The following USP31 variants were observed in gnomAD, a reference collection of about 807,000 sequenced individuals.
USP31 encodes the protein ubiquitin carboxyl-terminal hydrolase 31.
Under a neutral mutation model 119.4 loss-of-function variants are expected in USP31, and 44 were observed. The ratio of observed to expected loss-of-function variants is 0.37; its 90% CI spans 0.29 to 0.47. The LOEUF is 0.47. Among genes scored for constraint, USP31 ranks in the 20% least tolerant of loss-of-function variants. The pLI is 0.99. For missense variants in USP31, 1,643 were observed against 1,730.2 expected, an observed-to-expected ratio of 0.95 and a Z score of 0.89; for synonymous variants, 749 against 705.6, an observed-to-expected ratio of 1.06 and a Z score of -0.97.
At chr16:23,136,220 C>T (rs1288297453) in intron 1 of USP31, among the ~76,000 whole-genome samples, 1 of 152,114 alleles carries the variant, frequency 6.6e-6, no homozygotes, top group African/African-American at 2.4e-5. Flanking sequence ...GATCAAAAAC[C>T]TAAACATAAG....
chr16:23,069,289 C>A lies in USP31; in HGVS notation c.2816G>T (p.Arg939Leu). ...HSRREHKAVGRAPLAVMEGVF... is the reference protein window; with the variant it reads ...HSRREHKAVGLAPLAVMEGVF... ...GCCTTCCATGACAGCCAGAGGGGCC[C>A]GGCCCACAGCCTTGTGCTCACGGCG... is the stretch of plus-strand genomic sequence containing the variant. The change falls in exon 16 of 16, where the codon CGG becomes CTG. Residue 939 changes from arginine (R) to leucine (L), a missense_variant. Around this residue, in one of 5 missense-constraint regions of USP31, gnomAD observed 699 missense variants for 650.9 expected, o/e 1.07. Transcript: ENST00000219689. The A allele has an allele frequency of 6.2e-7, 1 of 1,611,134 alleles. No individual in the cohort carries two copies. Among genetic ancestry groups the A allele is most frequent in the Non-Finnish European group, 8.5e-7 (1 of 1,178,548 alleles).
At chr16:23,098,001 G>C (rs1464557998) in intron 6 of USP31, among the ~76,000 whole-genome samples, 3 of 149,980 alleles carry the variant, frequency 2.0e-5, no homozygotes, top group Admixed American at 1.3e-4. Flanking sequence ...AGAAATAAAG[G>C]GTATTCAATT....
chr16:23,081,149 G>A (rs1900803697), intron 12 of USP31, among the ~76,000 whole-genome samples: 1 of 152,208 alleles, frequency 6.6e-6, no homozygotes, highest in South Asian at 2.1e-4. Flanking sequence ...GCCTAGATGA[G>A]AGGGACAAGA....
chr16:23,107,761 A>G (rs578259593), intron 2 of USP31, among the ~76,000 whole-genome samples: 1 of 152,340 alleles, frequency 6.6e-6, no homozygotes, highest in African/African-American at 2.4e-5. Flanking sequence ...CTTTAAAAAC[A>G]GTTTAGTGAA....
At chr16:23,141,636 CA>C (rs1228924249) in intron 1 of USP31, among the ~76,000 whole-genome samples, 76 of 152,314 alleles carry the variant, frequency 5.0e-4, no homozygotes, top group Admixed American at 5.0e-3. Context: ...CACGGCCTCC[CA>C]AAGTGCTGGG....
At chr16:23,128,417 T>C (rs1247178211) in intron 1 of USP31, among the ~76,000 whole-genome samples, 1 of 152,128 alleles carries the variant, frequency 6.6e-6, no homozygotes, top group African/African-American at 2.4e-5. Flanking sequence ...TTAAAAACTA[T>C]AACTGACTGA....
chr16:23,068,321 C>T lies in USP31; in HGVS notation c.3784G>A (p.Val1262Ile). Residue 1262 changes from valine to isoleucine, a missense_variant, in exon 16 of 16, where the codon GTC becomes ATC. Val to Ile is a conservative substitution (Grantham distance 29, BLOSUM62 3). Coordinates refer to ENST00000219689, the MANE Select transcript of USP31 (RefSeq NM_020718.4). Reference protein sequence around the residue: ...KKAGGSSVKSVCKNTGDDEAE... With the variant: ...KKAGGSSVKSICKNTGDDEAE... ...TCGTCGTCCCCGGTGTTCTTACAGA[C>T]AGACTTAACAGAGCTCCCACCAGCC... 6.2e-7 allele frequency: 1 copy of T among 1,613,934 alleles called. No individual in the cohort carries two copies. Among genetic ancestry groups the T allele is most frequent in the Non-Finnish European group, 8.5e-7 (1 of 1,179,830 alleles).
At position 23,105,984 on chromosome 16, in the gene USP31, G is replaced by A. The variant is rs146579518; in HGVS notation, c.953+229C>T. On this transcript the variant is annotated intron_variant, in intron 4 of 15. Coordinates refer to ENST00000219689, the MANE Select transcript of USP31 (RefSeq NM_020718.4). ...GTCCCCCAACCCCGATACTATGTGT[G>A]GATGACGAACTGGGCCAGACTACAC... is the stretch of plus-strand genomic sequence containing the variant. Among the ~76,000 whole-genome samples the A allele has an allele frequency of 2.3e-3, 357 of 152,276 alleles. 2 individuals are homozygous for A. Among genetic ancestry groups the A allele is most frequent in the Middle Eastern group, 0.017 (5 of 294 alleles).
At chr16:23,073,644 T>G in intron 14 of USP31, 78 bp downstream of exon 14, 1 of 1,523,902 alleles carries the variant, frequency 6.6e-7, no homozygotes, top group Non-Finnish European at 8.9e-7. Context: ...CATGAGAGCC[T>G]CCAGAGAGGT....
At chr16:23,105,395 A>T in intron 5 of USP31, 46 bp downstream of exon 5, 1 of 1,504,198 alleles carries the variant, frequency 6.6e-7, no homozygotes, top group Non-Finnish European at 8.9e-7. Flanking sequence ...AACAGAAAGC[A>T]ATACTTTTGT....
At chr16:23,134,732 TTTTCAGCTA>T (rs1190449526) in intron 1 of USP31, among the ~76,000 whole-genome samples, 1 of 149,428 alleles carries the variant, frequency 6.7e-6, no homozygotes, top group Non-Finnish European at 1.5e-5. Context: ...AAGAATACCA[TTTTCAGCTA>T]TATAGTAACA....
At position 23,105,580 on chromosome 16, in the gene USP31, T is replaced by C. The variant is rs1450424557; in HGVS notation, c.954-4A>G. 5 of 1,579,336 alleles carry C rather than the reference T, an allele frequency of 3.2e-6. No individual in the cohort carries two copies. Among genetic ancestry groups the C allele is most frequent in the Non-Finnish European group, 4.3e-6 (5 of 1,164,130 alleles). ...CACTACAGTGACATAGAGAGGCCTG[T>C]ACAGATCAAAGTCAGATCTTCTCAT... On this transcript the variant is annotated splice_polypyrimidine_tract_variant and splice_region_variant and intron_variant, in intron 4 of 15. Transcript: ENST00000219689.
chr16:23,100,798 T>C (rs1263195030), intron 6 of USP31, among the ~76,000 whole-genome samples: 1 of 151,886 alleles, frequency 6.6e-6, no homozygotes, highest in Non-Finnish European at 1.5e-5. Flanking sequence ...CTTGGCAGGA[T>C]GGGGAGACTG....
intron 1 of USP31, among the ~76,000 whole-genome samples, chr16:23,110,275 A>G (rs1902264016): frequency 6.6e-6 from 1 of 152,220 alleles, no homozygotes; most frequent in African/African-American, 2.4e-5. Flanking sequence ...TATCATGGGA[A>G]AAGAATAGAG....
At position 23,082,831 on chromosome 16, in the gene USP31, C is replaced by CTTTTT. The variant is rs71151692; in HGVS notation, c.1831-279_1831-275dup. Among the ~76,000 whole-genome samples, 96 of 129,314 alleles carry CTTTTT rather than the reference C, an allele frequency of 7.4e-4. 3 individuals are homozygous for CTTTTT. The highest frequency in any genetic ancestry group is 2.6e-3 in the African/African-American group (92 of 35,964). 84.8% of individuals were successfully genotyped at this position (129,314 alleles called of 152,430 possible). On this transcript the variant is annotated intron_variant, in intron 11 of 15. Coordinates refer to ENST00000219689, the MANE Select transcript of USP31 (RefSeq NM_020718.4). ...TAAATATGTTACTTTCTTTCTCTCT[C>CTTTTT]TTTTTTTTTTTTTTTTTGAAACAGA...
intron 6 of USP31, among the ~76,000 whole-genome samples, chr16:23,098,247 C>G (rs1901700807): frequency 6.6e-6 from 1 of 152,092 alleles, no homozygotes; most frequent in Non-Finnish European, 1.5e-5. Context: ...AATAAAATAC[C>G]TAGGAATCCA....
chr16:23,133,275 G>T (rs763078836), intron 1 of USP31, among the ~76,000 whole-genome samples: 3 of 152,072 alleles, frequency 2.0e-5, no homozygotes, highest in African/African-American at 4.8e-5. Context: ...GACAGAACTG[G>T]CCCACCACCA....
Position 23,069,060 on chromosome 16 carries a change from G to C in USP31, c.3045C>G (p.Leu1015=), listed in dbSNP as rs576721136. 1.9e-6 allele frequency: 3 copies of C among 1,612,596 alleles called. No homozygotes were observed. Among genetic ancestry groups the C allele is most frequent in the South Asian group, 1.1e-5 (1 of 91,076 alleles). The change falls in exon 16 of 16, where the codon CTC becomes CTG. Residue 1015 remains leucine, a synonymous_variant. Transcript: ENST00000219689. ...EVKAPSHPGS[L]AKKPESTTKR... ...TAGTTGTGCTCTCTGGTTTCTTTGC[G>C]AGTGAGCCTGGGTGGCTGGGGGCTT...
At chr16:23,138,706 T>A (rs12444219) in intron 1 of USP31, among the ~76,000 whole-genome samples, 25,426 of 152,112 alleles carry the variant, frequency 0.17, 2,645 homozygotes, top group Admixed American at 0.26. Flanking sequence ...AGCCATGTTG[T>A]TTGAGGTTCC....
Sources: gnomAD v4.1 joint callset for allele counts (sites outside exome capture counted in the v4.1 genomes callset) on GRCh38, gnomAD v4.1.1 for gene constraint, gnomAD v4.1.1 regional missense constraint, MANE v1.5 for transcripts, NCBI Gene and HGNC (gene_info 2026-07-23, HGNC 2026-07-21) for gene names.